The following CDH7 variants were observed in gnomAD, a reference collection of about 807,000 sequenced individuals.
CDH7 encodes the protein cadherin 7.
In CDH7, 25 loss-of-function variants were observed where a neutral mutation model predicts 71.8. The observed-to-expected ratio is 0.35, with a 90% confidence interval of 0.25 to 0.49. The LOEUF is 0.49. CDH7 is among the 20% of genes least tolerant of loss of function. CDH7 has a pLI of 0.99. For synonymous variants in CDH7, 381 were observed against 363.8 expected (o/e 1.05, Z -0.54); for missense variants, 862 against 974.6 (o/e 0.88, Z 1.54).
At chr18:65,778,024 G>A (rs1191716041) in intron 2 of CDH7, among the ~76,000 whole-genome samples, 2 of 152,086 alleles carry the variant, frequency 1.3e-5, no homozygotes, top group African/African-American at 4.8e-5. Flanking sequence ...TATAATCCCA[G>A]CACTTTGGAA....
chr18:65,813,283 G>A (rs4941353), intron 3 of CDH7, among the ~76,000 whole-genome samples: 34,181 of 152,222 alleles, frequency 0.22, 4,116 homozygotes, highest in Non-Finnish European at 0.27. Context: ...GGTGAGCCAA[G>A]ATTGTGCCAT....
intron 2 of CDH7, among the ~76,000 whole-genome samples, chr18:65,794,558 T>C (rs554932557): frequency 4.0e-5 from 6 of 151,510 alleles, no homozygotes; most frequent in Admixed American, 1.3e-4. Context: ...TGACAACCAG[T>C]TGGGGGTCGG....
At chr18:65,795,902 T>C (rs996200305) in intron 2 of CDH7, among the ~76,000 whole-genome samples, 2 of 152,084 alleles carry the variant, frequency 1.3e-5, no homozygotes, top group Non-Finnish European at 2.9e-5. Flanking sequence ...ATCTGAGTTT[T>C]ATAAGGGACA....
intron 9 of CDH7, 143 bp from the exon 10 acceptor site, chr18:65,859,565 C>A (rs994073065): frequency 3.4e-6 from 2 of 589,124 alleles, no homozygotes; most frequent in Non-Finnish European, 6.1e-6. Flanking sequence ...AGATTGGGTT[C>A]ATAATAATAC....
At chr18:65,842,570 C>A (rs1482779921) in intron 6 of CDH7, among the ~76,000 whole-genome samples, 1 of 151,686 alleles carries the variant, frequency 6.6e-6, no homozygotes, top group African/African-American at 2.4e-5. Flanking sequence ...GCACTGTACA[C>A]AGTATGGGAT....
chr18:65,873,021 A>G (rs1357964822), intron 11 of CDH7, among the ~76,000 whole-genome samples: 1 of 152,142 alleles, frequency 6.6e-6, no homozygotes, highest in Admixed American at 6.5e-5. Context: ...CCAGTAGAAA[A>G]AGAAGACAGA....
intron 6 of CDH7, among the ~76,000 whole-genome samples, chr18:65,841,606 G>A (rs1291759108): frequency 6.6e-6 from 1 of 152,148 alleles, no homozygotes; most frequent in African/African-American, 2.4e-5. Context: ...CTCAGTAGAT[G>A]CTTTTAGGTA....
At chr18:65,823,040 G>T (rs1237545897) in intron 5 of CDH7, among the ~76,000 whole-genome samples, 1 of 151,722 alleles carries the variant, frequency 6.6e-6, no homozygotes, top group Non-Finnish European at 1.5e-5. Context: ...TCTCTAAAAT[G>T]CTTTTCCAGT....
chr18:65,833,431 A>T (rs1912422688), intron 6 of CDH7, among the ~76,000 whole-genome samples: 1 of 152,182 alleles, frequency 6.6e-6, no homozygotes, highest in African/African-American at 2.4e-5. Flanking sequence ...TCTTTCAAAC[A>T]TTTTATTCAA....
chr18:65,757,828 G>A (rs1441186218), intron 1 of CDH7, among the ~76,000 whole-genome samples: 2 of 151,524 alleles, frequency 1.3e-5, no homozygotes, highest in East Asian at 3.9e-4. Context: ...ACTAGTAATA[G>A]TGAAGAGGTC....
At chr18:65,838,166 T>C (rs9955588) in intron 6 of CDH7, among the ~76,000 whole-genome samples, 149,997 of 152,180 alleles carry the variant, frequency 0.99, 73,956 homozygotes, top group East Asian at 1. Context: ...ATGATCTGCC[T>C]GCTTTGGCCT....
At chr18:65,823,267 A>G (rs1462026524) in intron 5 of CDH7, among the ~76,000 whole-genome samples, 1 of 151,894 alleles carries the variant, frequency 6.6e-6, no homozygotes, top group Non-Finnish European at 1.5e-5. Context: ...GTTTAGCATT[A>G]TTTTCTTTCA....
chr18:65,822,027 T>C (rs1911947800), intron 4 of CDH7, 54 bp from the exon 5 acceptor site: 1 of 1,344,554 alleles, frequency 7.4e-7, no homozygotes, highest in African/African-American at 1.4e-5. Context: ...TATTCTTTGT[T>C]AGTATAAATG....
intron 6 of CDH7, among the ~76,000 whole-genome samples, chr18:65,829,466 TA>T (rs35511160): frequency 0.011 from 1,604 of 144,762 alleles, 27 homozygotes; most frequent in African/African-American, 0.039. Flanking sequence ...TAGGTAAAAT[TA>T]AAAAAAAAAA....
intron 2 of CDH7, among the ~76,000 whole-genome samples, chr18:65,772,074 G>A (rs181650641): frequency 1.5e-4 from 23 of 152,164 alleles, no homozygotes; most frequent in Non-Finnish European, 2.2e-4. Context: ...TATCTCCTTC[G>A]TTAAAATGCT....
chr18:65,831,277 G>A (rs1912339277), intron 6 of CDH7, among the ~76,000 whole-genome samples: 1 of 152,098 alleles, frequency 6.6e-6, no homozygotes, highest in South Asian at 2.1e-4. Context: ...AACCATGGAA[G>A]AGCAACCTGT....
chr18:65,790,592 A>G (rs1910679281), intron 2 of CDH7, among the ~76,000 whole-genome samples: 1 of 152,128 alleles, frequency 6.6e-6, no homozygotes, highest in Non-Finnish European at 1.5e-5. Context: ...GACTTTGTAT[A>G]AAAGGTAACT....
At chr18:65,786,844 C>T (rs1055206053) in intron 2 of CDH7, among the ~76,000 whole-genome samples, 3 of 152,008 alleles carry the variant, frequency 2.0e-5, no homozygotes, top group Non-Finnish European at 2.9e-5. Flanking sequence ...TCACTATGCA[C>T]AGCTAATTAA....
intron 2 of CDH7, among the ~76,000 whole-genome samples, chr18:65,768,788 G>A (rs968817395): frequency 2.6e-5 from 4 of 152,054 alleles, no homozygotes; most frequent in Non-Finnish European, 2.9e-5. Context: ...GGTCCTCATC[G>A]TTTTGTATGA....
Sources: allele counts gnomAD v4.1 joint callset (sites outside exome capture counted in the v4.1 genomes callset), GRCh38; gene constraint gnomAD v4.1.1; transcripts MANE v1.5; gene names NCBI Gene and HGNC (gene_info 2026-07-23, HGNC 2026-07-21).